The following HS3ST5 variants were observed in gnomAD, a reference collection of about 807,000 sequenced individuals.
HS3ST5 encodes heparan sulfate-glucosamine 3-sulfotransferase 5.
A neutral mutation model predicts 25.4 loss-of-function variants in HS3ST5; 10 were observed. The observed-to-expected ratio is 0.39, with a 90% CI of 0.24 to 0.67. The LOEUF is 0.67. Ranked by LOEUF, HS3ST5 falls within the 30% of genes least tolerant of loss-of-function variation. The pLI is 0.44. For synonymous variants in HS3ST5, 170 were observed against 162.4 expected (o/e 1.05, Z -0.36); for missense variants, 324 against 420.7 (o/e 0.77, Z 2.01).
chr6:114,167,873 T>G (rs563587644), intron 3 of HS3ST5, among the ~76,000 whole-genome samples: 2 of 152,262 alleles, frequency 1.3e-5, no homozygotes, highest in South Asian at 2.1e-4. Context: ...TCGGCAAGAT[T>G]GTTGTGATGT....
intron 3 of HS3ST5, among the ~76,000 whole-genome samples, chr6:114,102,904 T>G (rs982379101): frequency 7.2e-5 from 11 of 152,316 alleles, no homozygotes; most frequent in Admixed American, 4.6e-4. Context: ...AATAAAAATT[T>G]TTCTTCAGAT....
intron 1 of HS3ST5, among the ~76,000 whole-genome samples, chr6:114,298,902 T>C (rs1229908795): frequency 1.3e-5 from 2 of 152,160 alleles, no homozygotes; most frequent in Non-Finnish European, 2.9e-5. Flanking sequence ...GACCCTGTGA[T>C]GATTGCGTTA....
intron 1 of HS3ST5, among the ~76,000 whole-genome samples, chr6:114,331,752 C>A (rs1026462924): frequency 5.9e-5 from 9 of 152,058 alleles, no homozygotes; most frequent in Non-Finnish European, 1.2e-4. Context: ...CAGGTCATTT[C>A]TATTTATTTA....
chr6:114,074,431 A>T (rs186778832), intron 3 of HS3ST5, among the ~76,000 whole-genome samples: 14 of 152,174 alleles, frequency 9.2e-5, no homozygotes, highest in African/African-American at 2.9e-4. Context: ...TGCCCCATTT[A>T]TTTTTCTTTT....
At chr6:114,161,524 TATATATA>T (rs1778952462) in intron 3 of HS3ST5, among the ~76,000 whole-genome samples, 3 of 16,292 alleles carry the variant, frequency 1.8e-4, no homozygotes, top group African/African-American at 3.5e-4. Context: ...TGAAGTTTTA[TATATATA>T]TATATATATA....
rs140080142 is a variant in HS3ST5 at position 114,238,464 on chromosome 6, T to G, written c.-338-9686A>C. 3.7e-4 allele frequency among the ~76,000 whole-genome samples: 57 copies of G among 152,288 alleles called. 1 individual carries two copies. In the East Asian group the frequency reaches 8.9e-3, roughly 24 times the overall value. On this transcript the variant is annotated intron_variant, in intron 1 of 4. Transcript: ENST00000312719. ...AAGAAGAATAGGAAAAAAATATTTT[T>G]TGTGTGTCTTTAAAAAGATTTTTTT...
chr6:114,159,368 T>G (rs1190091459), intron 3 of HS3ST5, among the ~76,000 whole-genome samples: 2 of 152,126 alleles, frequency 1.3e-5, no homozygotes, highest in African/African-American at 4.8e-5. Flanking sequence ...GCTGGGTAAG[T>G]AAAATATATT....
intron 1 of HS3ST5, among the ~76,000 whole-genome samples, chr6:114,245,001 T>C (rs1454365356): frequency 6.6e-6 from 1 of 152,222 alleles, no homozygotes; most frequent in Non-Finnish European, 1.5e-5. Context: ...ATTGTTACTG[T>C]ATGGAAATTG....
chr6:114,339,168 G>A (rs1018160358), intron 1 of HS3ST5, among the ~76,000 whole-genome samples: 1 of 152,006 alleles, frequency 6.6e-6, no homozygotes, highest in Non-Finnish European at 1.5e-5. Flanking sequence ...ATGAAATATA[G>A]AAATATTCAC....
intron 2 of HS3ST5, among the ~76,000 whole-genome samples, chr6:114,203,571 T>C (rs1293790859): frequency 6.6e-6 from 1 of 152,186 alleles, no homozygotes; most frequent in Non-Finnish European, 1.5e-5. Context: ...TTTTTCAGAC[T>C]TTTGCATTCT....
intron 3 of HS3ST5, among the ~76,000 whole-genome samples, chr6:114,093,069 G>A (rs1323801392): frequency 2.0e-5 from 3 of 152,158 alleles, no homozygotes; most frequent in Admixed American, 6.5e-5. Flanking sequence ...GATTAGTGAA[G>A]TCAGGATTGT....
At chr6:114,196,023 G>T (rs900812264) in intron 2 of HS3ST5, among the ~76,000 whole-genome samples, 1 of 152,154 alleles carries the variant, frequency 6.6e-6, no homozygotes, top group South Asian at 2.1e-4. Flanking sequence ...CAAATGAGAC[G>T]CCCAGCCCTC....
chr6:114,308,288 AAACT>A (rs1775380269), intron 1 of HS3ST5, among the ~76,000 whole-genome samples: 1 of 152,152 alleles, frequency 6.6e-6, no homozygotes, highest in Non-Finnish European at 1.5e-5. Context: ...GTGTAGTTTA[AAACT>A]AACTAGATGG....
intron 1 of HS3ST5, among the ~76,000 whole-genome samples, chr6:114,326,159 TG>T (rs1776166744): frequency 6.6e-6 from 1 of 152,108 alleles, no homozygotes; most frequent in Non-Finnish European, 1.5e-5. Context: ...GAGGGTGAAC[TG>T]GGTGGGTCAC....
At chr6:114,292,948 T>C (rs998957081) in intron 1 of HS3ST5, among the ~76,000 whole-genome samples, 19 of 151,968 alleles carry the variant, frequency 1.3e-4, no homozygotes, top group East Asian at 3.8e-4. Flanking sequence ...TTTTTTTTTT[T>C]CCCAAATATT....
At chr6:114,197,194 T>G (rs112075165) in intron 2 of HS3ST5, among the ~76,000 whole-genome samples, 2,341 of 151,904 alleles carry the variant, frequency 0.015, 44 homozygotes, top group Middle Eastern at 0.054. Context: ...ATGAATGAAC[T>G]GCCACAAAAT....
chr6:114,207,645 T>G (rs1312394817), intron 2 of HS3ST5, among the ~76,000 whole-genome samples: 1 of 152,032 alleles, frequency 6.6e-6, no homozygotes, highest in Non-Finnish European at 1.5e-5. Flanking sequence ...TTAACTGACT[T>G]TGGTTGGACA....
In HS3ST5 at chr6:114,057,593, G is replaced by A. The variant is rs772729978; in HGVS notation, c.705C>T (p.Thr235=). The change falls in exon 5 of 5, where the codon ACC becomes ACT. Residue 235 remains threonine (T), a synonymous_variant. Coordinates refer to ENST00000312719, the MANE Select transcript of HS3ST5 (RefSeq NM_153612.4). ...ATTTCAACCACCTTTCCAGATGTTT[G>A]GTGTAGATGCTGGTTCTTACTGCTT... ...KYKAVRTSIY[T]KHLERWLKYF... is the part of the protein sequence containing the mutation. 3 of 1,614,146 alleles carry A rather than the reference G, an allele frequency of 1.9e-6. No homozygotes were observed. Among genetic ancestry groups the A allele is most frequent in the Non-Finnish European group, 1.7e-6 (2 of 1,180,020 alleles).
intron 1 of HS3ST5, among the ~76,000 whole-genome samples, chr6:114,340,189 G>A (rs1225476503): frequency 6.6e-6 from 1 of 152,082 alleles, no homozygotes; most frequent in Non-Finnish European, 1.5e-5. Flanking sequence ...ATGTCAAAGG[G>A]AGCAACTTCA....
Sources: allele counts gnomAD v4.1 joint callset (sites outside exome capture counted in the v4.1 genomes callset), GRCh38; gene constraint gnomAD v4.1.1; transcripts MANE v1.5; gene names NCBI Gene and HGNC (gene_info 2026-07-23, HGNC 2026-07-21).